PFKFB3: variants seen among roughly 807,000 people sequenced by gnomAD.
PFKFB3 encodes the protein 6-phosphofructo-2-kinase/fructose-2,6-biphosphatase 3.
PFKFB3 carries 33 observed loss-of-function variants against 68.0 expected under a neutral mutation model. The observed-to-expected ratio is 0.49, with a 90% CI of 0.37 to 0.65. The LOEUF (loss-of-function observed/expected upper bound fraction) is 0.65, where lower values mean the gene tolerates loss of function less well. PFKFB3 is among the 30% of genes least tolerant of loss of function. The probability of loss-of-function intolerance (pLI) is 0.00; values close to 1 mark genes in which losing one functional copy is unlikely to be tolerated. For missense variants in PFKFB3, 586 were observed against 712.2 expected, an observed-to-expected ratio of 0.82 and a Z score of 2.02; for synonymous variants, 315 against 288.2, an observed-to-expected ratio of 1.09 and a Z score of -0.94.
intron 1 of PFKFB3, among the ~76,000 whole-genome samples, chr10:6,182,450 C>G (rs1588434551): frequency 5.9e-5 from 9 of 152,154 alleles, no homozygotes; most frequent in Admixed American, 5.9e-4. Context: ...CTGCCGGCAG[C>G]CTTTCCATCC....
At chr10:6,280,063 G>C in the PFKFB3 span, among the ~76,000 whole-genome samples, 1 of 152,166 alleles carries the variant, frequency 6.6e-6, no homozygotes, top group Non-Finnish European at 1.5e-5. Context: ...CACCTGGCTC[G>C]TTACCTTTGA....
chr10:6,245,385 G>T (rs1166306462), intron 14 of PFKFB3, among the ~76,000 whole-genome samples: 1 of 145,970 alleles, frequency 6.9e-6, no homozygotes, highest in Non-Finnish European at 1.5e-5. Context: ...ATGAGCTACT[G>T]CACCCGGCCT....
At chr10:6,224,456 T>A (rs1487339937) in intron 13 of PFKFB3, 2 of 640,914 alleles carry the variant, frequency 3.1e-6, no homozygotes, top group Non-Finnish European at 5.6e-6. Context: ...GCTCGAGATA[T>A]GAATATTAGT....
At chr10:6,217,036 G>T in intron 5 of PFKFB3, 99 bp from the exon 6 acceptor site, 1 of 1,197,226 alleles carries the variant, frequency 8.4e-7, no homozygotes. Flanking sequence ...GTTGGTGGGT[G>T]GCGTGCTTCC....
intron 14 of PFKFB3, among the ~76,000 whole-genome samples, chr10:6,243,494 G>T (rs1588563883): frequency 1.3e-5 from 2 of 152,198 alleles, no homozygotes; most frequent in Admixed American, 1.3e-4. Flanking sequence ...ACTGGGACAC[G>T]ACCCTGGGCA....
chr10:6,188,941 T>C (rs181279242), intron 1 of PFKFB3, among the ~76,000 whole-genome samples: 2 of 151,142 alleles, frequency 1.3e-5, no homozygotes, highest in Admixed American at 6.6e-5. Flanking sequence ...TTCACGCCAT[T>C]CTCCTGCCTC....
chr10:6,251,282 A>G (rs967873848), intron 14 of PFKFB3, among the ~76,000 whole-genome samples: 3 of 152,204 alleles, frequency 2.0e-5, no homozygotes, highest in Admixed American at 2.0e-4. Flanking sequence ...TGGCAAAACC[A>G]GCCACCCACC....
intron 14 of PFKFB3, among the ~76,000 whole-genome samples, chr10:6,242,814 T>A (rs1174280398): frequency 6.6e-6 from 1 of 152,204 alleles, no homozygotes; most frequent in Non-Finnish European, 1.5e-5. Context: ...TTTCGAACTC[T>A]TGACCTGAGG....
the PFKFB3 span, among the ~76,000 whole-genome samples, chr10:6,261,433 A>G: frequency 6.6e-6 from 1 of 152,242 alleles, no homozygotes; most frequent in African/African-American, 2.4e-5. Context: ...AGGAACAGAA[A>G]ACCAAATACT....
chr10:6,199,491 TTTTC>T (rs1407421667), upstream of PFKFB3, among the ~76,000 whole-genome samples: 1 of 150,858 alleles, frequency 6.6e-6, no homozygotes, highest in Non-Finnish European at 1.5e-5. Context: ...GCTTTTTTTT[TTTTC>T]TTTTTTTGTG....
the PFKFB3 span, among the ~76,000 whole-genome samples, chr10:6,306,752 T>C: frequency 5.3e-5 from 8 of 152,194 alleles, no homozygotes; most frequent in Admixed American, 3.3e-4. Context: ...AGAGCAGGTC[T>C]CAGGGACCTG....
rs1011027155 is a variant in PFKFB3, at chr10:6,220,557, G to A, written c.624-101G>A. On this transcript the variant is annotated intron_variant, in intron 7 of 14. Coordinates refer to ENST00000379775, the MANE Select transcript of PFKFB3 (RefSeq NM_004566.4). This position sits in a 1 kb window ranked among gnomAD's most constrained non-coding sequence, Gnocchi z 4.1. ...GTGCCCTGGAGGGGCCTACGGTCCC[G>A]CCTTGCTGTTCTCTGGGGATCACAT... 26 of 1,076,950 alleles carry A rather than the reference G, an allele frequency of 2.4e-5. No homozygotes were observed. The highest frequency in any genetic ancestry group is 1.8e-4 in the Admixed American group (10 of 55,388). 66.7% of individuals were successfully genotyped at this position (1,076,950 alleles called of 1,614,324 possible).
At chr10:6,261,459 C>A in the PFKFB3 span, among the ~76,000 whole-genome samples, 1 of 152,158 alleles carries the variant, frequency 6.6e-6, no homozygotes, top group African/African-American at 2.4e-5. Flanking sequence ...TTCTCACTTA[C>A]AAGTGGGAGC....
the PFKFB3 span, among the ~76,000 whole-genome samples, chr10:6,316,668 G>A: frequency 3.9e-5 from 6 of 152,092 alleles, no homozygotes; most frequent in Admixed American, 6.6e-5. Flanking sequence ...AGTAGAGTCC[G>A]GGTTTCGCCA....
the PFKFB3 span, among the ~76,000 whole-genome samples, chr10:6,283,200 TC>T: frequency 6.6e-6 from 1 of 152,122 alleles, no homozygotes; most frequent in Non-Finnish European, 1.5e-5. Context: ...ACTCCTGACA[TC>T]AGGTGATCCA....
chr10:6,179,402 T>C (rs1464109947), intron 1 of PFKFB3, among the ~76,000 whole-genome samples: 1 of 152,224 alleles, frequency 6.6e-6, no homozygotes. Context: ...TCTCTCGAAG[T>C]TTTGTGATCA....
In PFKFB3 at chr10:6,216,169, C is replaced by A. The variant is rs765399775; in HGVS notation, c.344C>A (p.Ala115Glu). ...TTGAGAGATGTCAAAAGCTACCTGG[C>A]GAAAGAAGGGGGACAAATTGCGGTA... The part of the protein sequence containing the change: ...AALRDVKSYL[A>E]KEGGQIAVFD... Residue 115 changes from alanine to glutamate, a missense_variant, in exon 4 of 15, where the codon GCG becomes GAG. Transcript: ENST00000379775. 8.1e-6 allele frequency: 13 copies of A among 1,613,976 alleles called. No individual in the cohort carries two copies. The highest frequency in any genetic ancestry group is 1.1e-5 in the Non-Finnish European group (13 of 1,179,982).
chr10:6,197,695 C>T (rs1490882499), intron 1 of PFKFB3: 2 of 151,932 alleles, frequency 1.3e-5, no homozygotes, highest in Non-Finnish European at 2.9e-5. Context: ...TCATAAAGGT[C>T]TTCCTCTCTG....
At chr10:6,208,028 C>T (rs1843907657) in intron 1 of PFKFB3, among the ~76,000 whole-genome samples, 5 of 152,120 alleles carry the variant, frequency 3.3e-5, no homozygotes, top group Admixed American at 3.3e-4. Flanking sequence ...TAGTACTGGT[C>T]AGGCCAGTGC....
Sources: gnomAD v4.1 joint callset for allele counts (sites outside exome capture counted in the v4.1 genomes callset) on GRCh38, gnomAD v4.1.1 for gene constraint, Gnocchi (gnomAD v3.1) non-coding constraint, MANE v1.5 for transcripts, NCBI Gene and HGNC (gene_info 2026-07-23, HGNC 2026-07-21) for gene names.